PCDHGA3: variants seen among roughly 807,000 people sequenced by gnomAD.
The protein encoded by PCDHGA3 is protocadherin gamma subfamily A, 3.
A neutral mutation model predicts 58.5 loss-of-function variants in PCDHGA3; 40 were observed. The ratio of observed to expected loss-of-function variants is 0.68; its 90% CI spans 0.53 to 0.89. The LOEUF (loss-of-function observed/expected upper bound fraction) is 0.89. Ranked by LOEUF, PCDHGA3 falls within the 40% of genes least tolerant of loss-of-function variation. The pLI, the probability that PCDHGA3 is intolerant of heterozygous loss-of-function variation, is 0.00. For missense variants in PCDHGA3, 1,223 were observed against 1,195.9 expected (o/e 1.02, Z -0.33); for synonymous variants, 530 against 525.7 (o/e 1.01, Z -0.11).
At chr5:141,415,359 G>C in intron 1 of PCDHGA3, 2 of 1,614,246 alleles carry the variant, frequency 1.2e-6, no homozygotes, top group Non-Finnish European at 1.7e-6. Flanking sequence ...AGTCACGCCT[G>C]CTGCAGGCTT....
In PCDHGA3 at chr5:141,346,269, G is replaced by A. The variant is rs1757725605; in HGVS notation, c.2236G>A (p.Val746Ile). 1.2e-6 allele frequency: 2 copies of A among 1,614,208 alleles called. No individual in the cohort carries two copies. Among genetic ancestry groups the A allele is most frequent in the Non-Finnish European group, 1.7e-6 (2 of 1,180,034 alleles). The change falls in exon 1 of 4, where the codon GTT (valine) becomes ATT (isoleucine). Residue 746 changes from valine to isoleucine, a missense_variant. Val to Ile is a conservative substitution (Grantham distance 29, BLOSUM62 3). Coordinates refer to ENST00000253812, the MANE Select transcript of PCDHGA3 (RefSeq NM_018916.4). ...CTCGCACTTTGTGGGCGCGGACGGG[G>A]TTCGGGCTTTCCTGCAGACCTATTC... Reference protein sequence around the residue: ...PGSHFVGADGVRAFLQTYSHE... With the variant: ...PGSHFVGADGIRAFLQTYSHE...
At chr5:141,461,689 A>G (rs2099020485) in intron 1 of PCDHGA3, among the ~76,000 whole-genome samples, 1 of 152,120 alleles carries the variant, frequency 6.6e-6, no homozygotes, top group Admixed American at 6.6e-5. Context: ...GTTTATTTTG[A>G]GACAGAGTTT....
Position 141,410,397 on chromosome 5 carries a change from G to T in PCDHGA3, c.2424+63940G>T, listed in dbSNP as rs1338071222. Reference sequence around the variant, plus strand: ...TGGGACTGCTTCCATCCTGGTCTCTGTGTCAAGTCTGGACCTGTAGTTCCC... The same window carrying T: ...TGGGACTGCTTCCATCCTGGTCTCTTTGTCAAGTCTGGACCTGTAGTTCCC... On this transcript the variant is annotated intron_variant, in intron 1 of 3. Coordinates refer to ENST00000253812, the MANE Select transcript of PCDHGA3 (RefSeq NM_018916.4). The T allele has an allele frequency of 3.7e-6, 6 of 1,613,930 alleles. No homozygotes were observed. The African/African-American group carries it at 8.0e-5, about 22-fold the overall frequency.
At chr5:141,417,699 C>A (rs2096148616) in intron 1 of PCDHGA3, 1 of 1,164,548 alleles carries the variant, frequency 8.6e-7, no homozygotes, top group Non-Finnish European at 1.2e-6. Context: ...AACCAGCTCC[C>A]ACACAGAGGC....
intron 1 of PCDHGA3, chr5:141,352,148 G>A (rs777837262): frequency 1.2e-6 from 2 of 1,612,336 alleles, no homozygotes; most frequent in African/African-American, 2.7e-5. Flanking sequence ...TGCCTTGGGC[G>A]ACAGGGACGC....
chr5:141,402,903 A>C, intron 1 of PCDHGA3: 1 of 1,525,170 alleles, frequency 6.6e-7, no homozygotes, highest in East Asian at 2.3e-5. Context: ...GAACCTGATG[A>C]AGCAGCGCGC....
chr5:141,404,244 C>A (rs1164182551), intron 1 of PCDHGA3: 2 of 1,613,758 alleles, frequency 1.2e-6, no homozygotes, highest in East Asian at 2.2e-5. Context: ...GGAACTCCGC[C>A]CCTGTCCACA....
rs202113404 is a variant in PCDHGA3, at chr5:141,414,779, A to G, written c.2424+68322A>G. The G allele has an allele frequency of 4.2e-4, 674 of 1,614,210 alleles. No homozygotes were observed. Among genetic ancestry groups the G allele is most frequent in the Admixed American group, 6.0e-4 (36 of 60,022 alleles). On this transcript the variant is annotated intron_variant, in intron 1 of 3. Transcript: ENST00000253812. ...GAGCAGTTTCATGAGCTACAGATGCAGGTGACAGCCAGCGACAGCGGGGAT... is the reference window on the plus strand; with the variant it reads ...GAGCAGTTTCATGAGCTACAGATGCGGGTGACAGCCAGCGACAGCGGGGAT...
At chr5:141,397,842 G>T (rs7703108) in intron 1 of PCDHGA3, 79,958 of 516,008 alleles carry the variant, frequency 0.15, 7,302 homozygotes, top group African/African-American at 0.31. Flanking sequence ...ACTTGAAGCC[G>T]CAGAGGCTGT....
intron 1 of PCDHGA3, chr5:141,428,210 A>T: frequency 7.7e-7 from 1 of 1,293,350 alleles, no homozygotes; most frequent in Non-Finnish European, 1.1e-6. Flanking sequence ...GCTACGCTTC[A>T]CCTAGTCTTC....
chr5:141,344,564 C>T lies in PCDHGA3; in HGVS notation c.531C>T (p.Tyr177=). The change falls in exon 1 of 4, where the codon TAC becomes TAT. Residue 177 remains tyrosine, a synonymous_variant. Coordinates refer to ENST00000253812, the MANE Select transcript of PCDHGA3 (RefSeq NM_018916.4). ...LQNYKLSPND[Y]FSLAVNSVSE... ...ACTACAAGCTTAGCCCCAATGACTA[C>T]TTCTCTCTGGCTGTGAATAGCGTCT... 1 of 1,614,022 alleles carries T rather than the reference C, an allele frequency of 6.2e-7. No homozygotes were observed. Among genetic ancestry groups the T allele is most frequent in the Non-Finnish European group, 8.5e-7 (1 of 1,179,888 alleles).
At chr5:141,382,737 A>G (rs1186872738) in intron 1 of PCDHGA3, 2 of 571,884 alleles carry the variant, frequency 3.5e-6, no homozygotes, top group African/African-American at 3.7e-5. Context: ...GCACAGAGAA[A>G]CGACAGATTG....
At position 141,465,539 on chromosome 5, in the gene PCDHGA3, T is replaced by C. The variant is rs2099105222; in HGVS notation, c.2425-29268T>C. On this transcript the variant is annotated intron_variant, in intron 1 of 3. Transcript: ENST00000253812. ...GATTCTGGGGAAGTTTTCCCAGGCA[T>C]TTTTTCTGCTGAAGCTTTGGTAACT... Among the ~76,000 whole-genome samples the C allele has an allele frequency of 2.0e-5, 3 of 152,178 alleles. No homozygotes were observed. In the South Asian group the frequency reaches 6.2e-4, roughly 32 times the overall value.
chr5:141,408,461 A>G, intron 1 of PCDHGA3: 4 of 1,614,044 alleles, frequency 2.5e-6, no homozygotes, highest in Non-Finnish European at 3.4e-6. Context: ...CTTACTTGTG[A>G]AGAACCGAAT....
intron 1 of PCDHGA3, chr5:141,383,142 C>A (rs1778858149): frequency 1.2e-6 from 2 of 1,614,006 alleles, no homozygotes; most frequent in Admixed American, 3.3e-5. Flanking sequence ...ACCAGCGCAG[C>A]GGCAGCTTGG....
intron 1 of PCDHGA3, chr5:141,440,542 C>T (rs1448576873): frequency 6.6e-6 from 1 of 152,206 alleles, no homozygotes; most frequent in Non-Finnish European, 1.5e-5. Context: ...CACGGTTCAG[C>T]AGGAATGTTA....
In PCDHGA3 at chr5:141,486,702, T is replaced by C; in HGVS notation, c.2425-8105T>C. On this transcript the variant is annotated intron_variant, in intron 1 of 3. Coordinates refer to ENST00000253812, the MANE Select transcript of PCDHGA3 (RefSeq NM_018916.4). The surrounding 1 kb of genome is among the most constrained non-coding windows in gnomAD (Gnocchi z 5.0). ...GTATCAGCTTCCTCTTTCATCTCTC[T>C]GAACCCCCAGACAGGAGCTGTTCAT... is the stretch of plus-strand genomic sequence containing the variant. 3 of 1,614,218 alleles carry C rather than the reference T, an allele frequency of 1.9e-6. No homozygotes were observed. Among genetic ancestry groups the C allele is most frequent in the Non-Finnish European group, 2.5e-6 (3 of 1,180,040 alleles).
chr5:141,372,863 G>T, intron 1 of PCDHGA3: 2 of 1,395,300 alleles, frequency 1.4e-6, no homozygotes, highest in Non-Finnish European at 1.9e-6. Context: ...TCAATTCATT[G>T]ATTTAGAGAT....
intron 2 of PCDHGA3, among the ~76,000 whole-genome samples, chr5:141,499,326 C>G (rs1465474737): frequency 6.6e-6 from 1 of 152,156 alleles, no homozygotes; most frequent in Non-Finnish European, 1.5e-5. Flanking sequence ...TATCCCTGCT[C>G]TCTCTCAGTT....
Sources: gnomAD v4.1 joint callset for allele counts (sites outside exome capture counted in the v4.1 genomes callset) on GRCh38, gnomAD v4.1.1 for gene constraint, Gnocchi (gnomAD v3.1) non-coding constraint, MANE v1.5 for transcripts, NCBI Gene and HGNC (gene_info 2026-07-23, HGNC 2026-07-21) for gene names.